MCF2L: variants seen among roughly 807,000 people sequenced by gnomAD.
MCF2L encodes MCF.2 cell line derived transforming sequence like, also known as guanine nucleotide exchange factor DBS.
MCF2L carries 97 observed loss-of-function variants against 153.4 expected under a neutral mutation model. The observed-to-expected ratio is 0.63, with a 90% confidence interval of 0.54 to 0.75. The LOEUF is 0.75. Ranked by LOEUF, MCF2L falls within the 30% of genes least tolerant of loss-of-function variation. The pLI, the probability that MCF2L is intolerant of heterozygous loss-of-function variation, is 0.00. For missense variants in MCF2L, 1,347 were observed against 1,495.2 expected, an observed-to-expected ratio of 0.90 and a Z score of 1.64; for synonymous variants, 659 against 632.2, an observed-to-expected ratio of 1.04 and a Z score of -0.64.
upstream of MCF2L, chr13:112,968,852 G>A (rs2081946793): frequency 1.9e-6 from 2 of 1,069,488 alleles, no homozygotes; most frequent in African/African-American, 1.7e-5. Context: ...GCACTTGTGC[G>A]GCACCCGCGG....
intron 2 of MCF2L, among the ~76,000 whole-genome samples, chr13:112,942,227 T>C (rs1213545148): frequency 6.6e-6 from 1 of 152,212 alleles, no homozygotes; most frequent in Admixed American, 6.5e-5. Flanking sequence ...GCTTTCCCTT[T>C]TAGATAGCAG....
At chr13:112,929,560 C>T (rs1442208523) in intron 2 of MCF2L, among the ~76,000 whole-genome samples, 1 of 152,254 alleles carries the variant, frequency 6.6e-6, no homozygotes, top group African/African-American at 2.4e-5. Flanking sequence ...TCTTCACACT[C>T]CTGATGAAAT....
intron 1 of MCF2L, chr13:112,979,589 CAG>C (rs1220589650): frequency 1.3e-6 from 2 of 1,596,268 alleles, no homozygotes; most frequent in African/African-American, 1.3e-5. Context: ...GCTCTAGCAT[CAG>C]GGGGTCGCCT....
chr13:113,043,401 C>T (rs1032669715), intron 3 of MCF2L: 1 of 152,278 alleles, frequency 6.6e-6, no homozygotes, highest in Admixed American at 6.5e-5. Flanking sequence ...ACCCAGAGAG[C>T]TCCGGGATCA....
Position 113,096,708 on chromosome 13 carries a change from G to A in MCF2L, c.3292+55G>A, listed in dbSNP as rs777466998. On this transcript the variant is annotated intron_variant, in intron 29 of 29. Transcript: ENST00000535094. ...TGACGCTGCCAAGGGCCCGGGCGAG[G>A]AAGCTGCCCCGTGTGTGCCCGGCAG... 26 of 1,554,890 alleles carry A rather than the reference G, an allele frequency of 1.7e-5. No homozygotes were observed. In the Admixed American group the frequency reaches 3.8e-4, roughly 23 times the overall value.
At position 113,014,815 on chromosome 13, in the gene MCF2L, C is replaced by T; in HGVS notation, c.132C>T (p.Asp44=). ...CGCTCTGTGCTGCCGACATCCAGGACCAGCTAAAGAAGCGCTTTGCTTACC... is the reference window on the plus strand; with the variant it reads ...CGCTCTGTGCTGCCGACATCCAGGATCAGCTAAAGAAGCGCTTTGCTTACC... ...IVPLCAADIQ[D]QLKKRFAYLS... Residue 44 remains aspartate (D), a synonymous_variant, in exon 2 of 30, where the codon GAC becomes GAT. Transcript: ENST00000535094. The T allele has an allele frequency of 6.2e-7, 1 of 1,614,064 alleles. No homozygotes were observed. The highest frequency in any genetic ancestry group is 8.5e-7 in the Non-Finnish European group (1 of 1,180,014).
At chr13:112,962,053 A>G (rs897583937) in intron 2 of MCF2L, among the ~76,000 whole-genome samples, 2 of 133,214 alleles carry the variant, frequency 1.5e-5, no homozygotes, top group African/African-American at 5.6e-5. Context: ...ACACACGGAC[A>G]CGCACACACA....
intron 1 of MCF2L, among the ~76,000 whole-genome samples, chr13:113,003,219 G>A (rs2083478790): frequency 6.6e-6 from 1 of 152,196 alleles, no homozygotes; most frequent in Admixed American, 6.5e-5. Context: ...CACTGGGGAA[G>A]GCTCCAGGGT....
At chr13:113,096,066 C>T in intron 27 of MCF2L, 3 of 512,618 alleles carry the variant, frequency 5.9e-6, no homozygotes, top group Non-Finnish European at 1.0e-5. Flanking sequence ...CACGGAAGGG[C>T]CCTCCGGGAG....
At chr13:113,095,978 AG>A in intron 27 of MCF2L, 1 of 374,104 alleles carries the variant, frequency 2.7e-6, no homozygotes, top group South Asian at 3.0e-5. Context: ...CTGCAGGGAG[AG>A]GGAGGGCAGA....
At chr13:112,916,767 C>T (rs1354256819) in intron 2 of MCF2L, among the ~76,000 whole-genome samples, 1 of 152,162 alleles carries the variant, frequency 6.6e-6, no homozygotes, top group Non-Finnish European at 1.5e-5. Flanking sequence ...GAACAACCAG[C>T]TCACGCCTTG....
chr13:112,970,672 C>A (rs538820308), intron 1 of MCF2L, among the ~76,000 whole-genome samples: 4 of 152,172 alleles, frequency 2.6e-5, no homozygotes, highest in Admixed American at 1.3e-4. Flanking sequence ...CATGCCTCTG[C>A]GTGCCGTTCG....
intron 25 of MCF2L, 24 bp downstream of exon 25, chr13:113,088,652 G>C: frequency 6.3e-7 from 1 of 1,599,100 alleles, no homozygotes; most frequent in Non-Finnish European, 8.5e-7. Flanking sequence ...CGCTGCCGCA[G>C]GCCTGCGTTT....
In MCF2L at chr13:113,070,639, C is replaced by T. The variant is rs536731207; in HGVS notation, c.996+466C>T. 3.5e-4 allele frequency among the ~76,000 whole-genome samples: 54 copies of T among 152,318 alleles called. No homozygotes were observed. The South Asian group carries it at 9.5e-3, about 27-fold the overall frequency. ...CTCACCCATGTCCCTCCTCAGCCCC[C>T]GGCAACCACTCATCTGTTTCCGTGG... On this transcript the variant is annotated intron_variant, in intron 9 of 29. Coordinates refer to ENST00000535094, the MANE Select transcript of MCF2L (RefSeq NM_001112732.3). The surrounding 1 kb of genome is among the most constrained non-coding windows in gnomAD (Gnocchi z 5.6).
Position 113,074,593 on chromosome 13 carries a change from GA to G in MCF2L, c.1116+31del. The stretch of plus-strand genomic sequence containing the variant: ...GGCGGGGTCCCGGCGGGGGCGGCGG[GA>G]GAGTGTGGGCAGCATCATCAAGTGC... On this transcript the variant is annotated intron_variant, in intron 10 of 29. Transcript: ENST00000535094. This position sits in a 1 kb window ranked among gnomAD's most constrained non-coding sequence, Gnocchi z 4.2. The G allele has an allele frequency of 6.2e-7, 1 of 1,610,212 alleles. No homozygotes were observed. The highest frequency in any genetic ancestry group is 8.5e-7 in the Non-Finnish European group (1 of 1,177,470).
intron 1 of MCF2L, among the ~76,000 whole-genome samples, chr13:112,999,039 C>T (rs573933146): frequency 7.9e-5 from 12 of 152,288 alleles, no homozygotes; most frequent in Non-Finnish European, 1.5e-4. Context: ...TGGTTCGGGC[C>T]ACGTGTTCCG....
intron 1 of MCF2L, chr13:112,979,793 G>A: frequency 6.3e-7 from 1 of 1,582,982 alleles, no homozygotes; most frequent in South Asian, 1.2e-5. Flanking sequence ...CATGGGGGCA[G>A]GTGCTGTGTC....
rs995238058 is a variant in MCF2L, at chr13:112,904,807, C to T, written c.169+2436C>T. Among the ~76,000 whole-genome samples, 1 of 152,280 alleles carries T rather than the reference C, an allele frequency of 6.6e-6. No homozygotes were observed. The highest frequency in any genetic ancestry group is 1.5e-5 in the Non-Finnish European group (1 of 68,054). On this transcript the variant is annotated intron_variant, in intron 2 of 29. Coordinates refer to the MCF2L transcript ENST00000375608. This position sits in a 1 kb window ranked among gnomAD's most constrained non-coding sequence, Gnocchi z 4.2. Reference sequence around the variant, plus strand: ...TGCCTGCACCACACCTGCTCCGTCTCCAGGTGACCTGGGGCCTTGGCAATG... The same window carrying T: ...TGCCTGCACCACACCTGCTCCGTCTTCAGGTGACCTGGGGCCTTGGCAATG...
chr13:112,976,922 C>A (rs1232356877), intron 1 of MCF2L, among the ~76,000 whole-genome samples: 6 of 152,150 alleles, frequency 3.9e-5, no homozygotes, highest in African/African-American at 1.4e-4. Flanking sequence ...CTGTCACTAC[C>A]CTGTGGGGGC....
Sources: allele counts gnomAD v4.1 joint callset (sites outside exome capture counted in the v4.1 genomes callset), GRCh38; gene constraint gnomAD v4.1.1; non-coding constraint Gnocchi (gnomAD v3.1); transcripts MANE v1.5; gene names NCBI Gene and HGNC (gene_info 2026-07-23, HGNC 2026-07-21).